GRM7: variants seen among roughly 807,000 people sequenced by gnomAD.
GRM7 encodes the protein glutamate metabotropic receptor 7.
In GRM7, 35 loss-of-function variants were observed where a neutral mutation model predicts 84.5. The ratio of observed to expected loss-of-function variants is 0.41; its 90% CI spans 0.32 to 0.55. GRM7 has a LOEUF of 0.55. Among genes scored for constraint, GRM7 ranks in the 20% least tolerant of loss-of-function variants. The pLI is 0.19. For synonymous variants in GRM7, 487 were observed against 455.1 expected (o/e 1.07, Z -0.89); for missense variants, 1,003 against 1,194.6 (o/e 0.84, Z 2.36).
At chr3:7,334,534 A>C (rs1225243568) in intron 4 of GRM7, among the ~76,000 whole-genome samples, 1 of 152,166 alleles carries the variant, frequency 6.6e-6, no homozygotes, top group African/African-American at 2.4e-5. Flanking sequence ...ATAGGCAACA[A>C]CTAGCATGAT....
At chr3:7,738,355 C>T (rs1213256805) in intron 9 of GRM7, among the ~76,000 whole-genome samples, 1 of 152,078 alleles carries the variant, frequency 6.6e-6, no homozygotes, top group Non-Finnish European at 1.5e-5. Flanking sequence ...AGCCTCAGAC[C>T]CCTCCTATGT....
chr3:6,979,991 T>C (rs1445323579), intron 1 of GRM7, among the ~76,000 whole-genome samples: 1 of 152,196 alleles, frequency 6.6e-6, no homozygotes, highest in African/African-American at 2.4e-5. Context: ...TGCTAATTCT[T>C]GTTGAAAAAT....
intron 2 of GRM7, among the ~76,000 whole-genome samples, chr3:7,274,932 C>A (rs1308425376): frequency 1.3e-5 from 2 of 151,950 alleles, no homozygotes; most frequent in African/African-American, 2.4e-5. Context: ...ATGTGTATAT[C>A]ATATCTACTG....
rs186934842 is a variant in GRM7, at chr3:7,618,110, C to T, written c.2451+38753C>T. ...TAGCTCAGAGGCAGGCAAACAAGTGCGTAATAACTGTTGGCTGATATAATT... is the reference window on the plus strand; with the variant it reads ...TAGCTCAGAGGCAGGCAAACAAGTGTGTAATAACTGTTGGCTGATATAATT... On this transcript the variant is annotated intron_variant, in intron 8 of 9. Transcript: ENST00000357716. 2.4e-3 allele frequency among the ~76,000 whole-genome samples: 358 copies of T among 152,148 alleles called. 2 individuals carry two copies. Among genetic ancestry groups the T allele is most frequent in the Middle Eastern group, 0.014 (4 of 294 alleles).
intron 8 of GRM7, among the ~76,000 whole-genome samples, chr3:7,590,012 TG>T (rs1454334254): frequency 6.6e-6 from 1 of 152,236 alleles, no homozygotes; most frequent in Non-Finnish European, 1.5e-5. Flanking sequence ...GAAAGGTTTT[TG>T]TTCCCTGTAG....
chr3:7,178,729 C>A (rs1695237866), intron 2 of GRM7, among the ~76,000 whole-genome samples: 1 of 151,804 alleles, frequency 6.6e-6, no homozygotes, highest in Non-Finnish European at 1.5e-5. Context: ...TATACTTATT[C>A]AGTAGTGATA....
At chr3:7,463,526 G>T (rs771072610) in intron 7 of GRM7, among the ~76,000 whole-genome samples, 1 of 152,046 alleles carries the variant, frequency 6.6e-6, no homozygotes, top group Non-Finnish European at 1.5e-5. Context: ...AACAAATGTG[G>T]TCCCTGTTCT....
At chr3:6,914,552 A>G (rs1164507077) in intron 1 of GRM7, among the ~76,000 whole-genome samples, 2 of 151,848 alleles carry the variant, frequency 1.3e-5, no homozygotes, top group African/African-American at 4.8e-5. Flanking sequence ...ACAGGAATGC[A>G]CCAGCACGCC....
chr3:6,989,319 A>G (rs1347617891), intron 1 of GRM7, among the ~76,000 whole-genome samples: 4 of 152,240 alleles, frequency 2.6e-5, no homozygotes, highest in Non-Finnish European at 5.9e-5. Context: ...CAAAGAATAA[A>G]AGATCCATAA....
chr3:7,448,864 T>C (rs1697642155), intron 5 of GRM7, among the ~76,000 whole-genome samples: 1 of 152,004 alleles, frequency 6.6e-6, no homozygotes, highest in Non-Finnish European at 1.5e-5. Context: ...TCTTTATTAG[T>C]GTAGTTTAGA....
chr3:7,592,341 A>C (rs1695831041), intron 8 of GRM7, among the ~76,000 whole-genome samples: 1 of 152,212 alleles, frequency 6.6e-6, no homozygotes, highest in Non-Finnish European at 1.5e-5. Flanking sequence ...AGCAGGGCTC[A>C]CTGAGAAGAC....
Position 6,882,705 on chromosome 3 carries a change from A to T in GRM7, c.519+20798A>T, listed in dbSNP as rs561697250. 5.9e-5 allele frequency among the ~76,000 whole-genome samples: 9 copies of T among 152,338 alleles called. 1 individual carries two copies. In the South Asian group the frequency reaches 1.9e-3, roughly 32 times the overall value. On this transcript the variant is annotated intron_variant, in intron 1 of 9. Transcript: ENST00000357716. The stretch of plus-strand genomic sequence containing the variant: ...CTTTTAATTATTAGACCAAACTATA[A>T]AAATGTTTTGTATCTTTTTTGCTTA...
At chr3:7,553,316 G>A (rs977736792) in intron 7 of GRM7, among the ~76,000 whole-genome samples, 3 of 152,270 alleles carry the variant, frequency 2.0e-5, no homozygotes, top group Admixed American at 2.0e-4. Flanking sequence ...TATTCAACAA[G>A]TCTCTAGGAA....
chr3:6,879,191 C>T (rs1370439882), intron 1 of GRM7, among the ~76,000 whole-genome samples: 2 of 152,096 alleles, frequency 1.3e-5, no homozygotes, highest in Non-Finnish European at 1.5e-5. Context: ...AATTAATTTA[C>T]CCAAGTCATA....
intron 1 of GRM7, among the ~76,000 whole-genome samples, chr3:6,995,770 A>G (rs1000567885): frequency 6.6e-6 from 1 of 152,192 alleles, no homozygotes; most frequent in African/African-American, 2.4e-5. Context: ...TTGAAAGGCT[A>G]TAGTGATCAC....
intron 4 of GRM7, among the ~76,000 whole-genome samples, chr3:7,363,322 T>C (rs759194931): frequency 1.3e-5 from 2 of 151,978 alleles, no homozygotes; most frequent in African/African-American, 2.4e-5. Flanking sequence ...GAAAAGATCA[T>C]GAGATCACAA....
chr3:6,889,084 A>G (rs1169632807), intron 1 of GRM7, among the ~76,000 whole-genome samples: 4 of 152,140 alleles, frequency 2.6e-5, no homozygotes, highest in Admixed American at 1.3e-4. Context: ...TTGATTTTGT[A>G]TCCTGAGACT....
chr3:6,913,278 T>C (rs901759053), intron 1 of GRM7, among the ~76,000 whole-genome samples: 5 of 152,228 alleles, frequency 3.3e-5, no homozygotes, highest in Non-Finnish European at 5.9e-5. Flanking sequence ...AGCTAGATGA[T>C]ATCCAATCTG....
intron 6 of GRM7, among the ~76,000 whole-genome samples, chr3:7,456,018 T>A (rs1190103653): frequency 6.6e-6 from 1 of 152,188 alleles, no homozygotes; most frequent in African/African-American, 2.4e-5. Context: ...GAAGGTCAAC[T>A]ACAAGTTATG....
Sources: gnomAD v4.1 joint callset for allele counts (sites outside exome capture counted in the v4.1 genomes callset) on GRCh38, gnomAD v4.1.1 for gene constraint, MANE v1.5 for transcripts, NCBI Gene and HGNC (gene_info 2026-07-23, HGNC 2026-07-21) for gene names.